Variants in COL14A1 observed in about 807,000 individuals in gnomAD.
COL14A1 encodes collagen alpha-1(XIV) chain.
In COL14A1, 136 loss-of-function variants were observed where a neutral mutation model predicts 230.3. The ratio of observed to expected loss-of-function variants is 0.59; its 90% CI spans 0.51 to 0.68. The LOEUF is 0.68. Ranked by LOEUF, COL14A1 falls within the 30% of genes least tolerant of loss-of-function variation. COL14A1 has a pLI of 0.00. For missense variants in COL14A1, 1,976 were observed against 2,215.8 expected (o/e 0.89, Z 2.17); for synonymous variants, 792 against 784.1 (o/e 1.01, Z -0.17).
intron 33 of COL14A1, among the ~76,000 whole-genome samples, chr8:120,287,343 G>T (rs1820234187): frequency 6.6e-6 from 1 of 152,128 alleles, no homozygotes; most frequent in Non-Finnish European, 1.5e-5. Flanking sequence ...GGTCCCATTA[G>T]CAGCTCTTAG....
At chr8:120,208,474 A>C in intron 11 of COL14A1, 113 bp downstream of exon 11, 1 of 1,173,202 alleles carries the variant, frequency 8.5e-7, no homozygotes, top group East Asian at 2.4e-5. Flanking sequence ...ATCGAATTCA[A>C]TCAAATTCAT....
At chr8:120,268,924 T>C (rs1170870242) in intron 25 of COL14A1, among the ~76,000 whole-genome samples, 1 of 151,770 alleles carries the variant, frequency 6.6e-6, no homozygotes, top group Admixed American at 6.6e-5. Context: ...ATCTTGTTAT[T>C]CCTTTCAGCT....
At chr8:120,315,874 T>G (rs1821207467) in intron 39 of COL14A1, 70 bp from the exon 40 acceptor site, 2 of 1,520,146 alleles carry the variant, frequency 1.3e-6, no homozygotes, top group East Asian at 4.5e-5. Flanking sequence ...TTCATCTATT[T>G]CAGGGAAGCT....
At chr8:120,365,582 C>T (rs533263151) in intron 45 of COL14A1, among the ~76,000 whole-genome samples, 28 of 152,296 alleles carry the variant, frequency 1.8e-4, no homozygotes, top group Non-Finnish European at 3.2e-4. Flanking sequence ...TTCCACAGCA[C>T]GGTTTTCTGT....
At chr8:120,161,223 A>G (rs1815656335) in intron 3 of COL14A1, among the ~76,000 whole-genome samples, 1 of 152,236 alleles carries the variant, frequency 6.6e-6, no homozygotes, top group South Asian at 2.1e-4. Context: ...TTTTATTGGC[A>G]TATGATTAAA....
intron 23 of COL14A1, among the ~76,000 whole-genome samples, chr8:120,262,507 C>T (rs1168938411): frequency 1.3e-5 from 2 of 151,882 alleles, no homozygotes; most frequent in African/African-American, 2.4e-5. Flanking sequence ...AAAAACCCCA[C>T]AAAGATTAAA....
At chr8:120,128,204 CGT>C (rs750419588) in intron 1 of COL14A1, among the ~76,000 whole-genome samples, 3,480 of 140,570 alleles carry the variant, frequency 0.025, 106 homozygotes, top group African/African-American at 0.08. Flanking sequence ...GTTCCTGTGA[CGT>C]GTGTGTGTGT....
intron 31 of COL14A1, among the ~76,000 whole-genome samples, chr8:120,282,148 G>A (rs1563715693): frequency 6.6e-6 from 1 of 152,142 alleles, no homozygotes; most frequent in Non-Finnish European, 1.5e-5. Context: ...GGAATACTAT[G>A]CAGCCATAAA....
At chr8:120,339,345 C>A (rs1822205658) in intron 42 of COL14A1, among the ~76,000 whole-genome samples, 1 of 152,192 alleles carries the variant, frequency 6.6e-6, no homozygotes, top group African/African-American at 2.4e-5. Context: ...AATTGGCTTG[C>A]CATTCAAACT....
intron 40 of COL14A1, 85 bp downstream of exon 40, chr8:120,316,082 G>T: frequency 7.2e-7 from 1 of 1,392,216 alleles, no homozygotes; most frequent in South Asian, 1.2e-5. Context: ...TTCTATGTAA[G>T]GGAGTCAAGC....
At chr8:120,193,145 T>C (rs555479250) in intron 5 of COL14A1, among the ~76,000 whole-genome samples, 4 of 152,356 alleles carry the variant, frequency 2.6e-5, no homozygotes, top group African/African-American at 9.6e-5. Flanking sequence ...TTTCCAGTTT[T>C]TCTGCTCTGT....
chr8:120,219,946 G>A (rs1347462909), intron 14 of COL14A1, among the ~76,000 whole-genome samples: 1 of 152,012 alleles, frequency 6.6e-6, no homozygotes, highest in African/African-American at 2.4e-5. Flanking sequence ...CATAAGCCAT[G>A]CATGGATTTT....
intron 26 of COL14A1, chr8:120,277,848 C>T (rs753169523): frequency 3.0e-5 from 6 of 200,132 alleles, no homozygotes; most frequent in Non-Finnish European, 6.1e-5. Context: ...TTGTACACCA[C>T]CTCTCAGTGA....
intron 33 of COL14A1, among the ~76,000 whole-genome samples, 194 bp downstream of exon 33, chr8:120,286,164 T>G (rs77603140): frequency 0.028 from 3,141 of 110,316 alleles, 113 homozygotes; most frequent in African/African-American, 0.093. Context: ...GAAATGTGCA[T>G]TTTTTTTTTT....
At chr8:120,285,011 A>G (rs1434870596) in intron 32 of COL14A1, among the ~76,000 whole-genome samples, 1 of 152,100 alleles carries the variant, frequency 6.6e-6, no homozygotes, top group Non-Finnish European at 1.5e-5. Flanking sequence ...TTTCTAATTC[A>G]TAGTATCTTT....
chr8:120,240,128 A>T (rs1488457983), intron 19 of COL14A1, among the ~76,000 whole-genome samples: 3 of 152,102 alleles, frequency 2.0e-5, no homozygotes, highest in African/African-American at 4.8e-5. Flanking sequence ...ACAAACCTGT[A>T]GTAAAAACGA....
chr8:120,232,299 G>A (rs1283580632), intron 19 of COL14A1, among the ~76,000 whole-genome samples: 1 of 151,470 alleles, frequency 6.6e-6, no homozygotes, highest in Admixed American at 6.6e-5. Context: ...CTTAAGTTCT[G>A]GGATACATGT....
intron 40 of COL14A1, among the ~76,000 whole-genome samples, chr8:120,324,405 C>A (rs1043330904): frequency 6.6e-6 from 1 of 152,142 alleles, no homozygotes; most frequent in Non-Finnish European, 1.5e-5. Flanking sequence ...GATCCCGGAT[C>A]TGTAGCCTGG....
In COL14A1 at chr8:120,346,401, T is replaced by A. The variant is rs138040887; in HGVS notation, c.5077+838T>A. 2.7e-3 allele frequency among the ~76,000 whole-genome samples: 412 copies of A among 152,204 alleles called. 7 individuals are homozygous for A. Among genetic ancestry groups the A allele is most frequent in the South Asian group, 0.016 (79 of 4,810 alleles). ...GGGAAAGAGAGACAACTCATCAGAG[T>A]ATTTTCTAAGATACATTTTGTAGAA... On this transcript the variant is annotated intron_variant, in intron 45 of 47. Transcript: ENST00000297848.
Sources: gnomAD v4.1 joint callset for allele counts (sites outside exome capture counted in the v4.1 genomes callset) on GRCh38, gnomAD v4.1.1 for gene constraint, MANE v1.5 for transcripts, NCBI Gene and HGNC (gene_info 2026-07-23, HGNC 2026-07-21) for gene names.